The following ASB2 variants were observed in gnomAD, a reference collection of about 807,000 sequenced individuals.
The protein encoded by ASB2 is ankyrin repeat and SOCS box containing 2, also known as ankyrin repeat and SOCS box protein 2.
Under a neutral mutation model 62.4 loss-of-function variants are expected in ASB2, and 58 were observed. The ratio of observed to expected loss-of-function variants is 0.93; its 90% CI spans 0.75 to 1.16. The LOEUF is 1.16. Ranked by LOEUF, ASB2 falls within the 50% of genes most tolerant of loss-of-function variation. The pLI is 0.00. For missense variants in ASB2, 928 were observed against 887.9 expected, an observed-to-expected ratio of 1.05 and a Z score of -0.57; for synonymous variants, 386 against 385.3, an observed-to-expected ratio of 1.00 and a Z score of -0.02.
intron 2 of ASB2, among the ~76,000 whole-genome samples, chr14:93,959,418 C>G (rs184557264): frequency 1.8e-4 from 27 of 152,276 alleles, no homozygotes; most frequent in African/African-American, 6.3e-4. Context: ...GTTACTGAGT[C>G]GTGAGTCTCA....
Position 93,964,390 on chromosome 14 carries a change from C to A in ASB2, c.150G>T (p.Glu50Asp). ...GGTTGGTACATGCAGACGCGGTGGC[C>A]TCAGCAGTGGTTGGGCCCCTTGTCT... The part of the protein sequence containing the change: ...ADKTRGPTTA[E>D]ATASACTNRQ... The change falls in exon 2 of 10, where the codon GAG becomes GAT. Residue 50 changes from glutamate to aspartate, a missense_variant. Physicochemically the swap from Glu to Asp is conservative, Grantham distance 45. Transcript: ENST00000555019. 6.5e-7 allele frequency: 1 copy of A among 1,536,142 alleles called. No homozygotes were observed. Among genetic ancestry groups the A allele is most frequent in the Non-Finnish European group, 8.7e-7 (1 of 1,146,904 alleles).
chr14:93,951,657 T>G (rs1056206374), intron 5 of ASB2, among the ~76,000 whole-genome samples: 8 of 151,956 alleles, frequency 5.3e-5, no homozygotes, highest in African/African-American at 1.9e-4. Context: ...ACCCTGGTAG[T>G]CAGGCTGAAG....
In ASB2 at chr14:93,939,566, C is replaced by T. The variant is rs1430670330; in HGVS notation, c.1159G>A (p.Ala387Thr). Reference protein sequence around the residue: ...AERNHDEVLEALLSARFDVNT... With the variant: ...AERNHDEVLETLLSARFDVNT... ...ACGTCGAAGCGCGCGCTCAGCAGCG[C>T]CTCCAGCACCTCGTCGTGGTTGCGC... Residue 387 changes from alanine to threonine, a missense_variant, in exon 8 of 10, where the codon GCG becomes ACG. Ala to Thr is a moderately conservative substitution (Grantham distance 58). Transcript: ENST00000555019. 2 of 1,589,042 alleles carry T rather than the reference C, an allele frequency of 1.3e-6. No individual in the cohort carries two copies. The highest frequency in any genetic ancestry group is 2.7e-5 in the African/African-American group (2 of 74,042).
At chr14:93,959,057 G>A (rs937576376) in intron 2 of ASB2, among the ~76,000 whole-genome samples, 2 of 152,162 alleles carry the variant, frequency 1.3e-5, no homozygotes, top group Non-Finnish European at 2.9e-5. Context: ...AAGTCATGCC[G>A]AGCCTCTCCT....
intron 1 of ASB2, among the ~76,000 whole-genome samples, chr14:93,971,062 G>T (rs1257371917): frequency 6.6e-6 from 1 of 152,176 alleles, no homozygotes; most frequent in African/African-American, 2.4e-5. Context: ...CCCAGCTGGC[G>T]GTTCTCTAGG....
intron 2 of ASB2, among the ~76,000 whole-genome samples, chr14:93,963,768 C>T (rs184414755): frequency 6.6e-6 from 1 of 152,296 alleles, no homozygotes; most frequent in African/African-American, 2.4e-5. Flanking sequence ...ACCTGTTTCT[C>T]TTTACTTTTT....
intron 3 of ASB2, 119 bp downstream of exon 3, chr14:93,956,647 G>C (rs1889219876): frequency 7.3e-7 from 1 of 1,364,058 alleles, no homozygotes; most frequent in Admixed American, 1.8e-5. Context: ...GTGCCTGGCA[G>C]GTGCCTCCAT....
intron 2 of ASB2, among the ~76,000 whole-genome samples, chr14:93,962,245 G>A (rs1406404646): frequency 6.7e-6 from 1 of 148,468 alleles, no homozygotes; most frequent in Non-Finnish European, 1.5e-5. Flanking sequence ...TTCCCAAGTA[G>A]CTGGGACTAC....
Position 93,964,487 on chromosome 14 carries a change from T to G in ASB2, c.53A>C (p.Glu18Ala). 6.5e-7 allele frequency: 1 copy of G among 1,536,076 alleles called. No homozygotes were observed. The highest frequency in any genetic ancestry group is 8.7e-7 in the Non-Finnish European group (1 of 1,146,900). ...RGSQCTIGQE[E>A]YSLYSSLSED... ...GCTCAGGCTGCTGTACAGGCTGTAC[T>G]CCTCCTGCCCAATGGTACACTGGCT... Residue 18 changes from glutamate (E) to alanine (A), a missense_variant, in exon 2 of 10, where the codon GAG (glutamate) becomes GCG (alanine). Transcript: ENST00000555019.
chr14:93,966,834 C>T (rs1309222120), intron 1 of ASB2, among the ~76,000 whole-genome samples: 1 of 152,140 alleles, frequency 6.6e-6, no homozygotes, highest in African/African-American at 2.4e-5. Context: ...GAATGCAATG[C>T]TAGAGGCTTC....
At position 93,968,634 on chromosome 14, in the gene ASB2, T is replaced by G. The variant is rs190287436; in HGVS notation, c.-73-4022A>C. ...CACCCCCTGGCCTATATCTGTGCCC[T>G]GGGCACCATACCAGCCTCTTTGCCT... On this transcript the variant is annotated intron_variant, in intron 1 of 9. Coordinates refer to ENST00000555019, the MANE Select transcript of ASB2 (RefSeq NM_001202429.2). 1.0e-3 allele frequency among the ~76,000 whole-genome samples: 155 copies of G among 152,338 alleles called. 1 individual carries two copies. Among genetic ancestry groups the G allele is most frequent in the African/African-American group, 3.5e-3 (145 of 41,586 alleles).
rs373447148 is a variant in ASB2 at position 93,961,078 on chromosome 14, G to A, written c.206+3256C>T. Among the ~76,000 whole-genome samples the A allele has an allele frequency of 2.8e-4, 42 of 152,330 alleles. 2 individuals carry two copies. In the East Asian group the frequency reaches 4.0e-3, roughly 15 times the overall value. ...TGTCCCAGGAAGACCCAAGAAGCTT[G>A]TCTGTGAAGCAGAGGCCATCATGAG... On this transcript the variant is annotated intron_variant, in intron 2 of 9. Transcript: ENST00000555019.
In ASB2 at chr14:93,947,378, C is replaced by G. The variant is rs754288091; in HGVS notation, c.1023G>C (p.Leu341=). ...AGTTGCCCTTCTTGGAGGCGATGTGCAGCGGGAGCAAGCCGTCCTTGTTGG... is the reference window on the plus strand; with the variant it reads ...AGTTGCCCTTCTTGGAGGCGATGTGGAGCGGGAGCAAGCCGTCCTTGTTGG... ...NKTNKDGLLP[L]HIASKKGNYR... Residue 341 remains leucine (L), a synonymous_variant, in exon 7 of 10, where the codon CTG becomes CTC. Transcript: ENST00000555019. 4 of 1,614,202 alleles carry G rather than the reference C, an allele frequency of 2.5e-6. No individual in the cohort carries two copies. The Admixed American group carries it at 6.7e-5, about 27-fold the overall frequency.
At chr14:93,963,159 A>C (rs1005052735) in intron 2 of ASB2, among the ~76,000 whole-genome samples, 1 of 152,144 alleles carries the variant, frequency 6.6e-6, no homozygotes, top group African/African-American at 2.4e-5. Context: ...ACCCACCTTC[A>C]TCCCCTGTCA....
chr14:93,939,522 G>A lies in ASB2; in HGVS notation c.1203C>T (p.Pro401=). Residue 401 remains proline (P), a synonymous_variant, in exon 8 of 10, where the codon CCC becomes CCT. Coordinates refer to ENST00000555019, the MANE Select transcript of ASB2 (RefSeq NM_001202429.2). ...ARFDVNTPLA[P]ERARLYEDRR... ...GGTCTTCGTAGAGGCGCGCGCGCTCGGGGGCCAGCGGCGTGTTCACGTCGA... is the reference window on the plus strand; with the variant it reads ...GGTCTTCGTAGAGGCGCGCGCGCTCAGGGGCCAGCGGCGTGTTCACGTCGA... The A allele has an allele frequency of 1.2e-6, 2 of 1,605,420 alleles. No individual in the cohort carries two copies. The highest frequency in any genetic ancestry group is 1.7e-6 in the Non-Finnish European group (2 of 1,176,356).
At chr14:93,970,684 A>T (rs1889733125) in intron 1 of ASB2, among the ~76,000 whole-genome samples, 1 of 152,122 alleles carries the variant, frequency 6.6e-6, no homozygotes, top group African/African-American at 2.4e-5. Context: ...CCTTGGAAGC[A>T]CAGCTGTTAT....
intron 2 of ASB2, among the ~76,000 whole-genome samples, chr14:93,960,562 C>T (rs751428970): frequency 3.3e-5 from 5 of 152,180 alleles, no homozygotes; most frequent in Non-Finnish European, 7.3e-5. Context: ...TCTGGCTGGT[C>T]CATTCATGGA....
rs146480080 is a variant in ASB2 at position 93,956,839 on chromosome 14, G to C, written c.238C>G (p.Arg80Gly). Residue 80 changes from arginine (R) to glycine (G), a missense_variant, in exon 3 of 10, where the codon CGG (arginine) becomes GGG (glycine). Transcript: ENST00000555019. ...CCTTGGAACAAGCCCATTGGGGCCCGGGCCGGCGAACTCTCAGGAGGTGCA... is the reference window on the plus strand; with the variant it reads ...CCTTGGAACAAGCCCATTGGGGCCCCGGCCGGCGAACTCTCAGGAGGTGCA... ...STAPPESSPA[R>G]APMGLFQGVM... 1.1e-5 allele frequency: 17 copies of C among 1,614,080 alleles called. No homozygotes were observed. Among genetic ancestry groups the C allele is most frequent in the Non-Finnish European group, 1.4e-5 (17 of 1,180,022 alleles).
intron 7 of ASB2, among the ~76,000 whole-genome samples, chr14:93,942,694 G>T (rs1292354043): frequency 1.3e-5 from 2 of 152,226 alleles, no homozygotes; most frequent in African/African-American, 4.8e-5. Context: ...GCTAGAGAGG[G>T]GCCCAGCATG....
Sources: gnomAD v4.1 joint callset for allele counts (sites outside exome capture counted in the v4.1 genomes callset) on GRCh38, gnomAD v4.1.1 for gene constraint, MANE v1.5 for transcripts, NCBI Gene and HGNC (gene_info 2026-07-23, HGNC 2026-07-21) for gene names.